Variants in DHX37 observed in about 807,000 individuals in gnomAD.
DHX37 encodes the protein DEAH-box helicase 37, also known as probable ATP-dependent RNA helicase DHX37.
A neutral mutation model predicts 134.3 loss-of-function variants in DHX37; 52 were observed. The ratio of observed to expected loss-of-function variants is 0.39; its 90% CI spans 0.31 to 0.49. The LOEUF (loss-of-function observed/expected upper bound fraction) is 0.49, where lower values mean the gene tolerates loss of function less well. DHX37 is among the 20% of genes least tolerant of loss of function. The pLI, the probability that DHX37 is intolerant of heterozygous loss-of-function variation, is 0.93. For synonymous variants in DHX37, 634 were observed against 670.7 expected (o/e 0.95, Z 0.85); for missense variants, 1,344 against 1,580.8 (o/e 0.85, Z 2.54).
chr12:124,967,043 A>G (rs35874447), intron 11 of DHX37, 80 bp downstream of exon 11: 377,223 of 1,551,238 alleles, frequency 0.24, 49,137 homozygotes, highest in East Asian at 0.53. Flanking sequence ...GCTCAGAGGC[A>G]GGAGCTGCAC....
chr12:124,989,003 C>T lies in DHX37; in HGVS notation c.20G>A (p.Arg7His), dbSNP rs775521507. Residue 7 changes from arginine (R) to histidine (H), a missense_variant, in exon 1 of 27, where the codon CGC becomes CAC. Physicochemically the swap from Arg to His is conservative, Grantham distance 29 (BLOSUM62 0). Around this residue, in one of 7 missense-constraint regions of DHX37, gnomAD observed 319 missense variants for 296.1 expected, o/e 1.08. Transcript: ENST00000308736. MGKLRR[R>H]YNIKGRQQAG... ...CTGCTGGCGCCCCTTGATGTTGTAGCGCCGGCGCAGCTTCCCCATGGCGAC... is the reference window on the plus strand; with the variant it reads ...CTGCTGGCGCCCCTTGATGTTGTAGTGCCGGCGCAGCTTCCCCATGGCGAC... 1 of 1,369,404 alleles carries T rather than the reference C, an allele frequency of 7.3e-7. No homozygotes were observed. The allele number at this position is 1,369,404 out of a possible 1,614,324, so 84.8% of individuals were successfully genotyped here. A position where few individuals can be genotyped will look rare whatever the true frequency, so the allele number is the denominator to read the frequency against.
chr12:124,966,553 A>G (rs1456177027), intron 12 of DHX37, among the ~76,000 whole-genome samples: 2 of 152,270 alleles, frequency 1.3e-5, no homozygotes, highest in East Asian at 1.9e-4. Flanking sequence ...TTGTAGAGAC[A>G]TGGTCTCACC....
intron 9 of DHX37, 38 bp downstream of exon 9, chr12:124,968,829 C>T (rs777082819): frequency 3.7e-6 from 6 of 1,611,390 alleles, no homozygotes; most frequent in Admixed American, 1.7e-5. Context: ...CGTCCTTGTG[C>T]CATCCAAGCT....
At chr12:124,978,507 G>T (rs367842902) in intron 4 of DHX37, among the ~76,000 whole-genome samples, 3 of 151,046 alleles carry the variant, frequency 2.0e-5, no homozygotes, top group East Asian at 4.0e-4. Flanking sequence ...CAGTAGAGAC[G>T]GGGTTTCACC....
At chr12:124,962,454 A>G (rs11833827) in intron 15 of DHX37, among the ~76,000 whole-genome samples, 56,118 of 151,830 alleles carry the variant, frequency 0.37, 10,780 homozygotes, top group East Asian at 0.64. Flanking sequence ...TCAGGAGTTC[A>G]AGACCAGCCC....
chr12:124,949,911 C>G lies in DHX37; in HGVS notation c.3290+75G>C. ...AGCCTCCCTGTGTGTGGTGCTTTGT[C>G]CTGGCAGCCCCGGGGAGGTCATTCA... On this transcript the variant is annotated intron_variant, in intron 25 of 26. Transcript: ENST00000308736. This position sits in a 1 kb window ranked among gnomAD's most constrained non-coding sequence, Gnocchi z 4.0. 1 of 1,470,988 alleles carries G rather than the reference C, an allele frequency of 6.8e-7. No individual in the cohort carries two copies. The highest frequency in any genetic ancestry group is 2.0e-4 in the Middle Eastern group (1 of 5,088). 91.1% of individuals were successfully genotyped at this position (1,470,988 alleles called of 1,614,324 possible).
intron 23 of DHX37, 32 bp from the exon 24 acceptor site, chr12:124,950,275 C>A (rs900143341): frequency 6.2e-7 from 1 of 1,612,004 alleles, no homozygotes; most frequent in Admixed American, 1.7e-5. Context: ...GACAGGGACC[C>A]TCCTGCAGCT....
chr12:124,988,075 C>A lies in DHX37; in HGVS notation c.106+842G>T, dbSNP rs952843135. On this transcript the variant is annotated intron_variant, in intron 1 of 26. Coordinates refer to ENST00000308736, the MANE Select transcript of DHX37 (RefSeq NM_032656.4). Reference sequence around the variant, plus strand: ...GTGGTGCGATCTTGGCTCACTGCAACCTCCGTATCCTGGGTTCAAGCCATT... The same window carrying A: ...GTGGTGCGATCTTGGCTCACTGCAAACTCCGTATCCTGGGTTCAAGCCATT... Among the ~76,000 whole-genome samples the A allele has an allele frequency of 6.0e-5, 9 of 149,586 alleles. No individual in the cohort carries two copies. In the East Asian group the frequency reaches 1.8e-3, roughly 29 times the overall value.
At chr12:124,963,132 C>T (rs1359341685) in intron 15 of DHX37, among the ~76,000 whole-genome samples, 2 of 152,216 alleles carry the variant, frequency 1.3e-5, no homozygotes, top group African/African-American at 4.8e-5. Flanking sequence ...ACAAACAAAA[C>T]TCGGCACATC....
At position 124,949,937 on chromosome 12, in the gene DHX37, G is replaced by C. The variant is rs1216803574; in HGVS notation, c.3290+49C>G. The C allele has an allele frequency of 6.4e-7, 1 of 1,553,178 alleles. No homozygotes were observed. The highest frequency in any genetic ancestry group is 8.8e-7 in the Non-Finnish European group (1 of 1,142,146). Reference sequence around the variant, plus strand: ...CTGGCAGCCCCGGGGAGGTCATTCAGGCCTCGGACCCCTCCTGCCCACTGC... The same window carrying C: ...CTGGCAGCCCCGGGGAGGTCATTCACGCCTCGGACCCCTCCTGCCCACTGC... On this transcript the variant is annotated intron_variant, in intron 25 of 26. Coordinates refer to ENST00000308736, the MANE Select transcript of DHX37 (RefSeq NM_032656.4). The surrounding 1 kb of genome is among the most constrained non-coding windows in gnomAD (Gnocchi z 4.0).
intron 2 of DHX37, among the ~76,000 whole-genome samples, chr12:124,985,607 C>T (rs924169139): frequency 3.4e-5 from 5 of 148,566 alleles, no homozygotes; most frequent in Non-Finnish European, 7.4e-5. Flanking sequence ...AATAGCCTGA[C>T]GTGGTGGCAC....
chr12:124,964,746 T>C, intron 14 of DHX37, 120 bp from the exon 15 acceptor site: 1 of 1,502,528 alleles, frequency 6.7e-7, no homozygotes, highest in Non-Finnish European at 8.9e-7. Flanking sequence ...GGACAAGCCA[T>C]CCCATCTGGG....
At chr12:124,981,778 T>C (rs1030035600) in intron 3 of DHX37, among the ~76,000 whole-genome samples, 1 of 151,874 alleles carries the variant, frequency 6.6e-6, no homozygotes, top group Non-Finnish European at 1.5e-5. Context: ...TAATTTGTTA[T>C]GGCAGCGCCA....
At chr12:124,969,071 C>G (rs1954463667) in intron 8 of DHX37, 103 bp from the exon 9 acceptor site, 2 of 1,106,036 alleles carry the variant, frequency 1.8e-6, no homozygotes, top group Non-Finnish European at 2.6e-6. Context: ...CCGTTTCCAG[C>G]CCCCACCCTC....
intron 5 of DHX37, 21 bp from the exon 6 acceptor site, chr12:124,975,532 C>T (rs780282332): frequency 6.2e-7 from 1 of 1,610,452 alleles, no homozygotes; most frequent in Non-Finnish European, 8.5e-7. Flanking sequence ...AAGAACATGG[C>T]CATCAACAGT....
chr12:124,978,946 G>A (rs1056855073), intron 4 of DHX37, among the ~76,000 whole-genome samples: 4 of 148,662 alleles, frequency 2.7e-5, no homozygotes, highest in Non-Finnish European at 5.9e-5. Context: ...AAAAAAAAAA[G>A]ATTAAAAGCT....
chr12:124,976,529 C>T (rs978154153), intron 5 of DHX37, among the ~76,000 whole-genome samples: 2 of 151,928 alleles, frequency 1.3e-5, no homozygotes, highest in African/African-American at 4.8e-5. Flanking sequence ...CTGACCAACA[C>T]GGTGAAACTC....
At position 124,947,732 on chromosome 12, in the gene DHX37, G is replaced by C. The variant is rs763423056; in HGVS notation, c.*70C>G. 3 of 1,488,580 alleles carry C rather than the reference G, an allele frequency of 2.0e-6. No homozygotes were observed. Among genetic ancestry groups the C allele is most frequent in the Non-Finnish European group, 1.8e-6 (2 of 1,118,782 alleles). The allele number at this position is 1,488,580 out of a possible 1,614,324, so 92.2% of individuals were successfully genotyped here. On this transcript the variant is annotated 3_prime_UTR_variant, in exon 27 of 27. Transcript: ENST00000308736. Reference sequence around the variant, plus strand: ...AAGCCCATGCCAGGTGGTCACGGTCGCACGGTGACAGGCTGCTGCCAGCCC... The same window carrying C: ...AAGCCCATGCCAGGTGGTCACGGTCCCACGGTGACAGGCTGCTGCCAGCCC...
intron 15 of DHX37, among the ~76,000 whole-genome samples, chr12:124,961,251 C>T (rs1231034181): frequency 7.5e-6 from 1 of 132,640 alleles, no homozygotes; most frequent in Admixed American, 7.3e-5. Context: ...CACGCGTGCA[C>T]GCACGCACAC....
Sources: allele counts gnomAD v4.1 joint callset (sites outside exome capture counted in the v4.1 genomes callset), GRCh38; gene constraint gnomAD v4.1.1; regional missense constraint gnomAD v4.1.1; non-coding constraint Gnocchi (gnomAD v3.1); transcripts MANE v1.5; gene names NCBI Gene and HGNC (gene_info 2026-07-23, HGNC 2026-07-21).